Variants in ADGRB3 observed in about 807,000 individuals in gnomAD.
ADGRB3 encodes the protein adhesion G protein-coupled receptor B3, also known as brain-specific angiogenesis inhibitor 3.
In ADGRB3, 37 loss-of-function variants were observed where a neutral mutation model predicts 193.4. The ratio of observed to expected loss-of-function variants is 0.19; its 90% CI spans 0.15 to 0.25. The LOEUF (loss-of-function observed/expected upper bound fraction) is 0.25. Among genes scored for constraint, ADGRB3 ranks in the 10% least tolerant of loss-of-function variants. The probability of loss-of-function intolerance (pLI) is 1.00; values close to 1 mark genes in which losing one functional copy is unlikely to be tolerated. For missense variants in ADGRB3, 1,637 were observed against 1,852.9 expected (o/e 0.88, Z 2.14); for synonymous variants, 690 against 644.2 (o/e 1.07, Z -1.08).
intron 13 of ADGRB3, among the ~76,000 whole-genome samples, chr6:69,018,996 G>A (rs756198602): frequency 1.3e-5 from 2 of 151,974 alleles, no homozygotes; most frequent in Non-Finnish European, 2.9e-5. Context: ...GGGTTAAGAT[G>A]ATGGTGCAAC....
At chr6:68,886,672 A>T (rs1180141527) in intron 3 of ADGRB3, among the ~76,000 whole-genome samples, 1 of 152,102 alleles carries the variant, frequency 6.6e-6, no homozygotes, top group Non-Finnish European at 1.5e-5. Flanking sequence ...AAGAGCAAAA[A>T]TAATTAGATT....
chr6:68,967,126 T>C (rs1032206350), intron 8 of ADGRB3, among the ~76,000 whole-genome samples: 1 of 152,194 alleles, frequency 6.6e-6, no homozygotes, highest in Admixed American at 6.5e-5. Context: ...CATCTTCCTT[T>C]TTAAAAATAA....
At chr6:69,175,958 A>G (rs1011429200) in intron 17 of ADGRB3, among the ~76,000 whole-genome samples, 3 of 152,214 alleles carry the variant, frequency 2.0e-5, no homozygotes, top group African/African-American at 4.8e-5. Context: ...ATTGGTGTAT[A>G]GAAATGCTAT....
At chr6:68,969,521 C>G (rs1217346704) in intron 8 of ADGRB3, among the ~76,000 whole-genome samples, 1 of 152,132 alleles carries the variant, frequency 6.6e-6, no homozygotes, top group East Asian at 1.9e-4. Context: ...CCTGTCAGTA[C>G]TGGAGAAGCA....
At chr6:68,689,472 C>T (rs574936751) in intron 3 of ADGRB3, among the ~76,000 whole-genome samples, 1 of 152,112 alleles carries the variant, frequency 6.6e-6, no homozygotes, top group African/African-American at 2.4e-5. Flanking sequence ...TTAACCGGCT[C>T]AGGCCTGAAT....
intron 3 of ADGRB3, among the ~76,000 whole-genome samples, chr6:68,769,980 G>A (rs1484496486): frequency 1.3e-5 from 2 of 151,980 alleles, no homozygotes; most frequent in Admixed American, 6.6e-5. Context: ...AACATGGCAT[G>A]GCATATTGTT....
chr6:69,120,852 G>A (rs1416761999), intron 17 of ADGRB3, among the ~76,000 whole-genome samples: 1 of 152,126 alleles, frequency 6.6e-6, no homozygotes, highest in African/African-American at 2.4e-5. Context: ...GGTACTATGT[G>A]TGTGACACAG....
intron 3 of ADGRB3, among the ~76,000 whole-genome samples, chr6:68,684,905 A>T (rs1764955298): frequency 6.6e-6 from 1 of 151,998 alleles, no homozygotes; most frequent in South Asian, 2.1e-4. Flanking sequence ...TGATGGACAA[A>T]CTCGGTGGGT....
At chr6:68,960,476 C>T (rs1768201637) in intron 8 of ADGRB3, among the ~76,000 whole-genome samples, 1 of 151,954 alleles carries the variant, frequency 6.6e-6, no homozygotes, top group South Asian at 2.1e-4. Flanking sequence ...GATTTGGTGC[C>T]CTATAATATA....
At chr6:68,828,458 C>T (rs373418349) in intron 3 of ADGRB3, among the ~76,000 whole-genome samples, 105 of 152,134 alleles carry the variant, frequency 6.9e-4, no homozygotes, top group African/African-American at 2.4e-3. Context: ...AGAGCACTAC[C>T]TCAAATATTT....
chr6:69,031,543 T>TTC (rs1770693244), intron 13 of ADGRB3, among the ~76,000 whole-genome samples: 2 of 61,806 alleles, frequency 3.2e-5, no homozygotes, highest in South Asian at 1.0e-3. Flanking sequence ...CTTTCTTTCT[T>TTC]TCTTTCTTTT....
chr6:69,225,247 A>C (rs1407453328), intron 17 of ADGRB3, among the ~76,000 whole-genome samples: 1 of 152,104 alleles, frequency 6.6e-6, no homozygotes, highest in Non-Finnish European at 1.5e-5. Context: ...ATTCTTCCTA[A>C]GGCTCTTAAT....
intron 10 of ADGRB3, among the ~76,000 whole-genome samples, chr6:68,989,805 A>C (rs1769180841): frequency 6.6e-6 from 1 of 152,170 alleles, no homozygotes; most frequent in African/African-American, 2.4e-5. Flanking sequence ...ATTTTAATTT[A>C]AAACTTAAAA....
rs138759466 is a variant in ADGRB3 at position 68,792,389 on chromosome 6, T to G, written c.758-138170T>G. On this transcript the variant is annotated intron_variant, in intron 3 of 31. Transcript: ENST00000370598. ...ATTGCTCCTGTCCTATGAGCATTAA[T>G]GCTTGGCCTTGTTTCAGGGCCATTA... Among the ~76,000 whole-genome samples the G allele has an allele frequency of 6.7e-4, 102 of 152,324 alleles. 2 individuals carry two copies. In the East Asian group the frequency reaches 0.019, roughly 29 times the overall value.
At chr6:68,692,590 G>A (rs1765093651) in intron 3 of ADGRB3, among the ~76,000 whole-genome samples, 1 of 151,510 alleles carries the variant, frequency 6.6e-6, no homozygotes, top group Admixed American at 6.6e-5. Flanking sequence ...TGTACTCTAG[G>A]TACCCAAAGG....
intron 15 of ADGRB3, among the ~76,000 whole-genome samples, chr6:69,060,490 T>C (rs1562142031): frequency 6.6e-6 from 1 of 152,100 alleles, no homozygotes; most frequent in Non-Finnish European, 1.5e-5. Context: ...CAATCTTCTT[T>C]ATAGGATACC....
chr6:69,091,203 C>T (rs1582453498), intron 17 of ADGRB3, among the ~76,000 whole-genome samples: 4 of 152,116 alleles, frequency 2.6e-5, no homozygotes, highest in Non-Finnish European at 4.4e-5. Context: ...AGTGTAAATT[C>T]GTTCAGCCAT....
rs541342444 is a variant in ADGRB3 at position 68,855,026 on chromosome 6, T to C, written c.758-75533T>C. 9.8e-5 allele frequency among the ~76,000 whole-genome samples: 15 copies of C among 152,298 alleles called. No homozygotes were observed. The East Asian group carries it at 2.9e-3, about 29-fold the overall frequency. On this transcript the variant is annotated intron_variant, in intron 3 of 31. Transcript: ENST00000370598. ...TTGTCTTTGCCTAAGGAGTCAGACCTAGGCACGACAGCTTTTATCAGGAAG... is the reference window on the plus strand; with the variant it reads ...TTGTCTTTGCCTAAGGAGTCAGACCCAGGCACGACAGCTTTTATCAGGAAG...
intron 3 of ADGRB3, among the ~76,000 whole-genome samples, chr6:68,791,803 A>T (rs1767112373): frequency 1.3e-5 from 2 of 152,202 alleles, no homozygotes. Flanking sequence ...AAATAAAGTA[A>T]ATTAAAAATC....
Sources: gnomAD v4.1 joint callset for allele counts (sites outside exome capture counted in the v4.1 genomes callset) on GRCh38, gnomAD v4.1.1 for gene constraint, MANE v1.5 for transcripts, NCBI Gene and HGNC (gene_info 2026-07-23, HGNC 2026-07-21) for gene names.